KIT: variants seen among roughly 807,000 people sequenced by gnomAD.
KIT encodes the protein mast/stem cell growth factor receptor Kit.
Under a neutral mutation model 105.7 loss-of-function variants are expected in KIT, and 16 were observed. That is an observed-to-expected ratio of 0.15 (90% CI 0.10 to 0.23). The LOEUF (loss-of-function observed/expected upper bound fraction) is 0.23. KIT is among the 10% of genes least tolerant of loss of function. The pLI is 1.00. For synonymous variants in KIT, 438 were observed against 441.1 expected, an observed-to-expected ratio of 0.99 and a Z score of 0.09; for missense variants, 858 against 1,213.8, an observed-to-expected ratio of 0.71 and a Z score of 4.36.
At chr4:54,731,501 C>T (rs1722596975) in intron 15 of KIT, 82 bp downstream of exon 15, 1 of 980,826 alleles carries the variant, frequency 1.0e-6, no homozygotes, top group Non-Finnish European at 1.6e-6. Context: ...TAACATCATT[C>T]CCAGTAGCAA....
At chr4:54,698,805 A>G (rs1451341150) in intron 3 of KIT, among the ~76,000 whole-genome samples, 1 of 152,226 alleles carries the variant, frequency 6.6e-6, no homozygotes, top group African/African-American at 2.4e-5. Flanking sequence ...TGGCATTTAG[A>G]CTGGACTGAC....
intron 1 of KIT, among the ~76,000 whole-genome samples, chr4:54,666,578 A>T (rs535935538): frequency 6.8e-6 from 1 of 147,784 alleles, no homozygotes; most frequent in Non-Finnish European, 1.5e-5. Context: ...GCACCCGGCA[A>T]TTTTTTTTTT....
chr4:54,717,397 T>G (rs1210540239), intron 7 of KIT, among the ~76,000 whole-genome samples: 1 of 152,178 alleles, frequency 6.6e-6, no homozygotes, highest in Non-Finnish European at 1.5e-5. Flanking sequence ...ACACTGAACC[T>G]GTAAGAGAAC....
chr4:54,688,410 C>T (rs1560388245), intron 1 of KIT, among the ~76,000 whole-genome samples: 1 of 151,798 alleles, frequency 6.6e-6, no homozygotes, highest in African/African-American at 2.4e-5. Context: ...TCCTGCTCTA[C>T]TTCCCCAAAA....
chr4:54,706,993 A>G (rs1225714223), intron 5 of KIT, 105 bp from the exon 6 acceptor site: 1 of 683,130 alleles, frequency 1.5e-6, no homozygotes, highest in East Asian at 2.7e-5. Flanking sequence ...GCCAATTAAT[A>G]CTGGAAATCA....
intron 1 of KIT, among the ~76,000 whole-genome samples, chr4:54,684,833 C>T (rs1014372283): frequency 2.0e-5 from 3 of 152,304 alleles, no homozygotes; most frequent in East Asian, 3.9e-4. Context: ...CTGGTGGTTC[C>T]GACATGCAGC....
intron 20 of KIT, 32 bp downstream of exon 20, chr4:54,737,312 C>G: frequency 7.1e-7 from 1 of 1,401,492 alleles, no homozygotes; most frequent in African/African-American, 1.4e-5. Context: ...ATAGAATCCC[C>G]CTTCTCCCAG....
rs1158253739 is a variant in KIT, at chr4:54,731,883, A to T, written c.2246A>T (p.Glu749Val). The T allele has an allele frequency of 6.2e-7, 1 of 1,613,502 alleles. No individual in the cohort carries two copies. The highest frequency in any genetic ancestry group is 8.5e-7 in the Non-Finnish European group (1 of 1,179,568). ...CTCTTCCTCACAGGCTCATACATAG[A>T]AAGAGATGTGACTCCCGCCATCATG... is the stretch of plus-strand genomic sequence containing the variant. The part of the protein sequence containing the change: ...RRSVRIGSYI[E>V]RDVTPAIMED... Residue 749 changes from glutamate to valine, a missense_variant, in exon 16 of 21, where the codon GAA (glutamate) becomes GTA (valine). Around this residue, in one of 7 missense-constraint regions of KIT, gnomAD observed 158 missense variants for 218.7 expected, o/e 0.72. Transcript: ENST00000288135.
intron 16 of KIT, among the ~76,000 whole-genome samples, chr4:54,732,521 G>A (rs1449968838): frequency 6.6e-6 from 1 of 152,084 alleles, no homozygotes; most frequent in African/African-American, 2.4e-5. Context: ...CAAGGAGCAT[G>A]GTCTGTGGAA....
In KIT at chr4:54,707,229, A is replaced by G. The variant is rs1720846582; in HGVS notation, c.1057A>G (p.Arg353Gly). Reference protein sequence around the residue: ...PEHQQWIYMNRTFTDKWEDYP... With the variant: ...PEHQQWIYMNGTFTDKWEDYP... The stretch of plus-strand genomic sequence containing the variant: ...ACACCAGCAGTGGATCTATATGAAC[A>G]GAACCTTCACTGATAAATGGGAAGA... The change falls in exon 6 of 21, where the codon AGA (arginine) becomes GGA (glycine). Residue 353 changes from arginine to glycine, a missense_variant. Physicochemically the swap from Arg to Gly is moderately radical, Grantham distance 125. Around this residue, in one of 7 missense-constraint regions of KIT, gnomAD observed 401 missense variants for 601.0 expected, o/e 0.67. Coordinates refer to ENST00000288135, the MANE Select transcript of KIT (RefSeq NM_000222.3). The G allele has an allele frequency of 6.2e-7, 1 of 1,612,798 alleles. No homozygotes were observed. The highest frequency in any genetic ancestry group is 8.5e-7 in the Non-Finnish European group (1 of 1,178,722).
intron 10 of KIT, 45 bp from the exon 11 acceptor site, chr4:54,727,371 C>T (rs1452485687): frequency 6.2e-7 from 1 of 1,613,888 alleles, no homozygotes; most frequent in Admixed American, 1.7e-5. Flanking sequence ...ATGACTGAGA[C>T]AATAATTATT....
chr4:54,736,898 G>A, intron 19 of KIT, 78 bp downstream of exon 19: 1 of 1,072,452 alleles, frequency 9.3e-7, no homozygotes, highest in Non-Finnish European at 1.4e-6. Context: ...CCCAGATGTT[G>A]AGGGTTTTCA....
chr4:54,684,847 G>A (rs143414355), intron 1 of KIT, among the ~76,000 whole-genome samples: 275 of 152,312 alleles, frequency 1.8e-3, no homozygotes, highest in Non-Finnish European at 3.6e-3. Context: ...ATGCAGCTGG[G>A]ATTGCTAATG....
intron 1 of KIT, among the ~76,000 whole-genome samples, chr4:54,679,219 G>A (rs1718727869): frequency 6.6e-6 from 1 of 152,164 alleles, no homozygotes; most frequent in Non-Finnish European, 1.5e-5. Flanking sequence ...CCTCCTCTGT[G>A]GCAGGGTAAC....
intron 7 of KIT, among the ~76,000 whole-genome samples, chr4:54,720,525 A>C (rs972944569): frequency 6.6e-6 from 1 of 152,236 alleles, no homozygotes; most frequent in African/African-American, 2.4e-5. Context: ...CAATTTTTTA[A>C]TTAAACAATG....
chr4:54,672,461 T>C (rs1391691477), intron 1 of KIT, among the ~76,000 whole-genome samples: 3 of 152,200 alleles, frequency 2.0e-5, no homozygotes, highest in Non-Finnish European at 4.4e-5. Flanking sequence ...CTTTCTATAA[T>C]ACCCTTGTCT....
intron 4 of KIT, 100 bp from the exon 5 acceptor site, chr4:54,703,624 A>T: frequency 2.2e-6 from 2 of 923,650 alleles, no homozygotes; most frequent in Non-Finnish European, 3.5e-6. Flanking sequence ...GTTAATATGG[A>T]GAAGTTAATT....
At chr4:54,691,908 T>C (rs1003525187) in intron 1 of KIT, among the ~76,000 whole-genome samples, 1 of 151,930 alleles carries the variant, frequency 6.6e-6, no homozygotes, top group Non-Finnish European at 1.5e-5. Context: ...GAGGGGGAAG[T>C]CAGGTAGGAA....
intron 17 of KIT, among the ~76,000 whole-genome samples, chr4:54,733,943 C>A (rs907733103): frequency 6.6e-6 from 1 of 152,074 alleles, no homozygotes; most frequent in Non-Finnish European, 1.5e-5. Flanking sequence ...TTTCTGCAGT[C>A]CAGATTTATT....
Sources: gnomAD v4.1 joint callset for allele counts (sites outside exome capture counted in the v4.1 genomes callset) on GRCh38, gnomAD v4.1.1 for gene constraint, gnomAD v4.1.1 regional missense constraint, MANE v1.5 for transcripts, NCBI Gene and HGNC (gene_info 2026-07-23, HGNC 2026-07-21) for gene names.